The following MROH9 variants were observed in gnomAD, a reference collection of about 807,000 sequenced individuals.
MROH9 encodes the protein maestro heat-like repeat-containing protein family member 9.
In MROH9, 92 loss-of-function variants were observed where a neutral mutation model predicts 98.2. That is an observed-to-expected ratio of 0.94 (90% CI 0.79 to 1.11). The LOEUF (loss-of-function observed/expected upper bound fraction) is 1.11. MROH9 is among the 50% of genes most tolerant of loss of function. The pLI, the probability that MROH9 is intolerant of heterozygous loss-of-function variation, is 0.00. For missense variants in MROH9, 1,057 were observed against 1,014.8 expected (o/e 1.04, Z -0.57); for synonymous variants, 397 against 368.9 (o/e 1.08, Z -0.87).
chr1:171,046,566 T>C (rs1653479067), intron 20 of MROH9, among the ~76,000 whole-genome samples: 1 of 152,204 alleles, frequency 6.6e-6, no homozygotes, highest in Admixed American at 6.5e-5. Flanking sequence ...TGCCTTAATT[T>C]CATCCCTCTG....
chr1:171,057,423 A>G (rs1328722868), intron 20 of MROH9, among the ~76,000 whole-genome samples: 2 of 152,200 alleles, frequency 1.3e-5, no homozygotes, highest in Admixed American at 1.3e-4. Flanking sequence ...GAGAAAAAAG[A>G]ATGAAAAGGA....
At chr1:171,035,424 GT>G (rs1413051484) in intron 20 of MROH9, among the ~76,000 whole-genome samples, 3 of 151,622 alleles carry the variant, frequency 2.0e-5, no homozygotes, top group East Asian at 1.9e-4. Context: ...AAGTAGCAAC[GT>G]TTTTTAAAAT....
intron 3 of MROH9, among the ~76,000 whole-genome samples, chr1:170,951,934 G>A (rs149037965): frequency 6.6e-6 from 1 of 152,256 alleles, no homozygotes; most frequent in East Asian, 1.9e-4. Context: ...CAACAAGTGG[G>A]TGAAGGATAT....
At chr1:171,014,096 T>A (rs1301093325) in intron 15 of MROH9, 21 bp from the exon 16 acceptor site, 3 of 1,545,690 alleles carry the variant, frequency 1.9e-6, no homozygotes, top group Non-Finnish European at 2.6e-6. Context: ...GCTTATAAAC[T>A]TATTAACTAT....
At chr1:170,938,450 C>T (rs955507490) in intron 1 of MROH9, among the ~76,000 whole-genome samples, 3 of 152,192 alleles carry the variant, frequency 2.0e-5, no homozygotes, top group African/African-American at 7.2e-5. Context: ...CTTGCCCCAG[C>T]CCTTCCAGGT....
intron 10 of MROH9, among the ~76,000 whole-genome samples, chr1:170,987,150 C>T (rs981341433): frequency 7.2e-5 from 11 of 152,258 alleles, no homozygotes; most frequent in Admixed American, 4.6e-4. Flanking sequence ...AGCCACCATG[C>T]CTGGCCTGAG....
intron 12 of MROH9, among the ~76,000 whole-genome samples, chr1:170,993,137 A>G (rs1010626869): frequency 3.9e-5 from 6 of 152,214 alleles, no homozygotes; most frequent in African/African-American, 1.4e-4. Context: ...TAAAATTTCT[A>G]TCATCTAATT....
intron 8 of MROH9, among the ~76,000 whole-genome samples, chr1:170,974,557 A>G (rs1426475595): frequency 6.6e-6 from 1 of 152,084 alleles, no homozygotes; most frequent in Non-Finnish European, 1.5e-5. Context: ...GAATCCTTAA[A>G]CCAGTAGAAA....
intron 8 of MROH9, among the ~76,000 whole-genome samples, chr1:170,976,399 T>G (rs1340784949): frequency 6.6e-6 from 1 of 152,160 alleles, no homozygotes; most frequent in Non-Finnish European, 1.5e-5. Context: ...CTCCTTCACT[T>G]AGGAAGCTTA....
At position 171,013,878 on chromosome 1, in the gene MROH9, C is replaced by T. The variant is rs201697826; in HGVS notation, c.1597-239C>T. On this transcript the variant is annotated intron_variant, in intron 15 of 21. Coordinates refer to ENST00000367759, the MANE Select transcript of MROH9 (RefSeq NM_001163629.2). ...TGGAGGAAAATGTAAAATACATACA[C>T]ACACACACACACACACACACACACA... 1.2e-3 allele frequency among the ~76,000 whole-genome samples: 8 copies of T among 6,754 alleles called. No individual in the cohort carries two copies. In the South Asian group the frequency reaches 0.033, roughly 28 times the overall value. 4.4% of individuals were successfully genotyped at this position (6,754 alleles called of 152,430 possible). A position where few individuals can be genotyped will look rare whatever the true frequency, so the allele number is the denominator to read the frequency against.
intron 3 of MROH9, among the ~76,000 whole-genome samples, chr1:170,950,966 C>T (rs1362507883): frequency 1.3e-5 from 2 of 151,868 alleles, no homozygotes; most frequent in African/African-American, 2.4e-5. Context: ...TTTTCTTTGT[C>T]TCTAAGCCAC....
chr1:171,016,259 CT>C lies in MROH9; in HGVS notation c.1835del (p.Leu612Ter). On this transcript the variant is annotated frameshift_variant, in exon 17 of 22. Transcript: ENST00000367759. LOFTEE classifies it high-confidence loss of function. ...TCAGGCCTTGCTCACCCTTAGAAGG[CT>C]TTTAAACGAACTGGACAAAGTGACC... is the stretch of plus-strand genomic sequence containing the variant. ...VLQALLTLRR[L>X]LNELDKVTYS... 1 of 1,539,892 alleles carries C rather than the reference CT, an allele frequency of 6.5e-7. No homozygotes were observed. The highest frequency in any genetic ancestry group is 2.0e-5 in the Admixed American group (1 of 49,204).
At chr1:171,025,287 G>A in intron 19 of MROH9, 31 bp from the exon 20 acceptor site, 5 of 1,350,668 alleles carry the variant, frequency 3.7e-6, no homozygotes, top group Non-Finnish European at 5.2e-6. Flanking sequence ...CAGCAATCGA[G>A]TGAGGTGCTT....
chr1:171,015,777 T>G (rs538365029), intron 16 of MROH9, among the ~76,000 whole-genome samples: 3 of 152,240 alleles, frequency 2.0e-5, no homozygotes, highest in East Asian at 1.9e-4. Flanking sequence ...ATGGCTAATT[T>G]CAAGCTTTCA....
chr1:171,042,641 C>T (rs1009198309), intron 20 of MROH9, among the ~76,000 whole-genome samples: 3 of 152,096 alleles, frequency 2.0e-5, no homozygotes, highest in Non-Finnish European at 2.9e-5. Flanking sequence ...ACATCCTCAC[C>T]AGCATTTGTT....
At chr1:171,059,465 G>T (rs1048251175) in intron 20 of MROH9, among the ~76,000 whole-genome samples, 1 of 152,178 alleles carries the variant, frequency 6.6e-6, no homozygotes, top group African/African-American at 2.4e-5. Context: ...TTCAACCATT[G>T]TGGAAGACAG....
chr1:170,978,228 A>G (rs1283464180), intron 8 of MROH9, among the ~76,000 whole-genome samples: 1 of 152,114 alleles, frequency 6.6e-6, no homozygotes, highest in Non-Finnish European at 1.5e-5. Context: ...AAGGCTCTCC[A>G]GGTGGAAAGA....
At chr1:171,003,291 C>T (rs1001484601) in intron 15 of MROH9, among the ~76,000 whole-genome samples, 7 of 152,012 alleles carry the variant, frequency 4.6e-5, no homozygotes, top group Admixed American at 2.0e-4. Context: ...TGAACTAGTA[C>T]GATTTTTGAG....
At chr1:170,956,140 A>T (rs1252165173) in intron 3 of MROH9, among the ~76,000 whole-genome samples, 1 of 152,038 alleles carries the variant, frequency 6.6e-6, no homozygotes, top group Non-Finnish European at 1.5e-5. Context: ...ATTTGGGTTT[A>T]TTTCTGGATT....
Sources: gnomAD v4.1 joint callset for allele counts (sites outside exome capture counted in the v4.1 genomes callset) on GRCh38, gnomAD v4.1.1 for gene constraint, MANE v1.5 for transcripts, NCBI Gene and HGNC (gene_info 2026-07-23, HGNC 2026-07-21) for gene names.